CNBD1: variants seen among roughly 807,000 people sequenced by gnomAD.
CNBD1 encodes the protein cyclic nucleotide binding domain containing 1.
Under a neutral mutation model 54.4 loss-of-function variants are expected in CNBD1, and 71 were observed. The observed-to-expected ratio is 1.30, with a 90% CI of 1.08 to 1.59. CNBD1 has a LOEUF of 1.59. Among genes scored for constraint, CNBD1 ranks in the 40% most tolerant of loss-of-function variants. The pLI, the probability that CNBD1 is intolerant of heterozygous loss-of-function variation, is 0.00. For synonymous variants in CNBD1, 182 were observed against 170.7 expected, an observed-to-expected ratio of 1.07 and a Z score of -0.51; for missense variants, 659 against 518.0, an observed-to-expected ratio of 1.27 and a Z score of -2.64.
intron 4 of CNBD1, among the ~76,000 whole-genome samples, chr8:87,175,535 T>A (rs1813179457): frequency 6.6e-6 from 1 of 152,170 alleles, no homozygotes; most frequent in South Asian, 2.1e-4. Context: ...TCTAGAAATG[T>A]CATCCAAGAG....
Position 87,419,271 on chromosome 8 carries a change from G to T in CNBD1, c.214-9275G>T, listed in dbSNP as rs139464489. On this transcript the variant is annotated intron_variant, in intron 2 of 7. Coordinates refer to the CNBD1 transcript ENST00000521593. The stretch of plus-strand genomic sequence containing the variant: ...CTAGAATAGGCAAATCAGAGACACA[G>T]AAAGATTAGTGTTTGCTAGGATCTG... Among the ~76,000 whole-genome samples the T allele has an allele frequency of 2.2e-3, 335 of 151,994 alleles. 2 individuals are homozygous for T. The highest frequency in any genetic ancestry group is 7.6e-3 in the African/African-American group (317 of 41,518).
chr8:86,951,999 C>G (rs1021624791), intron 4 of CNBD1, among the ~76,000 whole-genome samples: 1 of 152,068 alleles, frequency 6.6e-6, no homozygotes, highest in African/African-American at 2.4e-5. Flanking sequence ...CAGCAGAAAC[C>G]CTTTGCTCAC....
rs201420385 is a variant in CNBD1, at chr8:86,866,568, C to T, written c.73C>T (p.Leu25Phe). ...TATTAACAATGTGCCTCCTCCTCCA[C>T]TTCACAGTATACCAAGTGAGTGGGA... The part of the protein sequence containing the change: ...TAINNVPPPP[L>F]HSIPNLKKSK... Residue 25 changes from leucine (L) to phenylalanine (F), a missense_variant, in exon 1 of 11, where the codon CTT becomes TTT. Coordinates refer to ENST00000518476, the MANE Select transcript of CNBD1 (RefSeq NM_173538.3). The T allele has an allele frequency of 9.0e-5, 145 of 1,608,736 alleles. No homozygotes were observed. The highest frequency in any genetic ancestry group is 2.2e-5 in the South Asian group (2 of 89,960).
At position 87,234,059 on chromosome 8, in the gene CNBD1, A is replaced by G. The variant is rs145616406; in HGVS notation, c.578-2860A>G. On this transcript the variant is annotated intron_variant, in intron 5 of 10. Transcript: ENST00000518476. ...GTTCATCCATAAGAAGCAACTCCTT[A>G]TTTGGTTTAAGTTTTACCATGTGAT... Among the ~76,000 whole-genome samples, 343 of 152,282 alleles carry G rather than the reference A, an allele frequency of 2.3e-3. 8 individuals carry two copies. Among genetic ancestry groups the G allele is most frequent in the South Asian group, 0.021 (103 of 4,828 alleles).
intron 1 of CNBD1, among the ~76,000 whole-genome samples, chr8:86,875,351 C>T (rs530675322): frequency 2.6e-5 from 4 of 152,186 alleles, no homozygotes; most frequent in Non-Finnish European, 5.9e-5. Flanking sequence ...TGCTGTGATA[C>T]CTTACCTTTC....
At chr8:87,069,268 G>A (rs745406211) in intron 4 of CNBD1, among the ~76,000 whole-genome samples, 6 of 151,960 alleles carry the variant, frequency 3.9e-5, no homozygotes, top group Non-Finnish European at 8.8e-5. Flanking sequence ...TTATGACCAG[G>A]AAATTTTGGC....
chr8:87,316,184 G>C (rs1166006670), intron 8 of CNBD1, among the ~76,000 whole-genome samples: 2 of 151,896 alleles, frequency 1.3e-5, no homozygotes, highest in Admixed American at 1.3e-4. Context: ...CTGTAATATT[G>C]TTGCATACAT....
At chr8:87,379,574 TTGA>T (rs1354136879) in intron 10 of CNBD1, among the ~76,000 whole-genome samples, 1 of 151,892 alleles carries the variant, frequency 6.6e-6, no homozygotes, top group Non-Finnish European at 1.5e-5. Flanking sequence ...GAAATAGATC[TTGA>T]TGACTAGAGA....
intron 3 of CNBD1, among the ~76,000 whole-genome samples, chr8:86,911,019 A>T (rs1180073260): frequency 6.6e-6 from 1 of 152,188 alleles, no homozygotes; most frequent in African/African-American, 2.4e-5. Context: ...TCCCACGAAG[A>T]AGCTGGCTAC....
chr8:87,211,609 C>T (rs1814099966), intron 5 of CNBD1, among the ~76,000 whole-genome samples: 1 of 152,044 alleles, frequency 6.6e-6, no homozygotes, highest in Non-Finnish European at 1.5e-5. Flanking sequence ...GTGTATGGCA[C>T]CTCCCCTTAT....
intron 4 of CNBD1, among the ~76,000 whole-genome samples, chr8:87,195,328 G>C (rs910303637): frequency 6.7e-6 from 1 of 148,330 alleles, no homozygotes; most frequent in African/African-American, 2.5e-5. Flanking sequence ...TCCCAGGTTC[G>C]AGTGATTCTT....
At chr8:87,225,579 A>C (rs1241398495) in intron 5 of CNBD1, among the ~76,000 whole-genome samples, 1 of 152,064 alleles carries the variant, frequency 6.6e-6, no homozygotes, top group Non-Finnish European at 1.5e-5. Context: ...CTTGTATCCC[A>C]GGGATGAAGC....
At chr8:87,113,014 G>T (rs976824117) in intron 4 of CNBD1, among the ~76,000 whole-genome samples, 28 of 152,312 alleles carry the variant, frequency 1.8e-4, no homozygotes, top group African/African-American at 6.3e-4. Flanking sequence ...AGTTCAACCT[G>T]ATCCCATAGG....
At chr8:87,053,633 C>T (rs142305837) in intron 4 of CNBD1, among the ~76,000 whole-genome samples, 5 of 152,226 alleles carry the variant, frequency 3.3e-5, no homozygotes, top group South Asian at 2.1e-4. Context: ...TCATGGATCC[C>T]GAGGAGCTAG....
intron 10 of CNBD1, among the ~76,000 whole-genome samples, chr8:87,361,691 T>A (rs1263870255): frequency 6.8e-6 from 1 of 147,372 alleles, no homozygotes; most frequent in Non-Finnish European, 1.5e-5. Context: ...GTTGGATGAA[T>A]ATATATATAT....
At chr8:87,060,345 C>T (rs941851721) in intron 4 of CNBD1, among the ~76,000 whole-genome samples, 9 of 152,274 alleles carry the variant, frequency 5.9e-5, no homozygotes, top group African/African-American at 2.2e-4. Flanking sequence ...ATTATAGAAA[C>T]ATTAAAGTCC....
chr8:87,324,036 C>A (rs937696677), intron 8 of CNBD1, among the ~76,000 whole-genome samples: 2 of 125,808 alleles, frequency 1.6e-5, no homozygotes, highest in African/African-American at 3.0e-5. Context: ...TTGTCAAAGG[C>A]TTTTTCTGCA....
chr8:87,366,695 G>T (rs973973886), intron 10 of CNBD1, among the ~76,000 whole-genome samples: 2 of 152,008 alleles, frequency 1.3e-5, no homozygotes, highest in Admixed American at 6.6e-5. Context: ...AGTGCTGGAG[G>T]TCAGCAGTGG....
At chr8:87,122,080 C>T (rs1811902100) in intron 4 of CNBD1, among the ~76,000 whole-genome samples, 1 of 151,604 alleles carries the variant, frequency 6.6e-6, no homozygotes, top group South Asian at 2.1e-4. Context: ...TGGGTGTATA[C>T]TCAGAAGTAG....
Sources: gnomAD v4.1 joint callset for allele counts (sites outside exome capture counted in the v4.1 genomes callset) on GRCh38, gnomAD v4.1.1 for gene constraint, MANE v1.5 for transcripts, NCBI Gene and HGNC (gene_info 2026-07-23, HGNC 2026-07-21) for gene names.